The following NAALADL2 variants were observed in gnomAD, a reference collection of about 807,000 sequenced individuals.
NAALADL2 encodes N-acetylated alpha-linked acidic dipeptidase like 2.
Under a neutral mutation model 87.2 loss-of-function variants are expected in NAALADL2, and 76 were observed. That is an observed-to-expected ratio of 0.87 (90% CI 0.72 to 1.05). The LOEUF is 1.05. Among genes scored for constraint, NAALADL2 ranks in the 50% least tolerant of loss-of-function variants. The pLI, the probability that NAALADL2 is intolerant of heterozygous loss-of-function variation, is 0.00. For missense variants in NAALADL2, 1,089 were observed against 945.8 expected (o/e 1.15, Z -1.99); for synonymous variants, 354 against 331.0 (o/e 1.07, Z -0.75).
At chr3:175,160,632 G>A (rs4894697) in intron 2 of NAALADL2, among the ~76,000 whole-genome samples, 39,244 of 151,684 alleles carry the variant, frequency 0.26, 5,880 homozygotes, top group Non-Finnish European at 0.34. Context: ...GATTACAGGC[G>A]TGAGCCACTG....
chr3:175,665,717 G>A (rs1235473664), intron 11 of NAALADL2, among the ~76,000 whole-genome samples: 1 of 152,108 alleles, frequency 6.6e-6, no homozygotes, highest in Non-Finnish European at 1.5e-5. Flanking sequence ...CAGATCACGA[G>A]GTCAAGAGAT....
chr3:175,099,873 A>G (rs1387975932), intron 2 of NAALADL2, among the ~76,000 whole-genome samples: 1 of 152,120 alleles, frequency 6.6e-6, no homozygotes, highest in Admixed American at 6.5e-5. Context: ...ACATTGAGTA[A>G]TTATTTTCTA....
intron 1 of NAALADL2, among the ~76,000 whole-genome samples, chr3:174,921,804 CAAAAAAA>C (rs546555666): frequency 1.7e-3 from 74 of 42,432 alleles, no homozygotes; most frequent in Admixed American, 1.1e-3. Flanking sequence ...GACTCCGTCT[CAAAAAAA>C]AAAAAAAAAA....
chr3:175,080,774 G>C (rs1323436233), intron 1 of NAALADL2, among the ~76,000 whole-genome samples: 1 of 152,144 alleles, frequency 6.6e-6, no homozygotes, highest in African/African-American at 2.4e-5. Flanking sequence ...CCAGTGCCTA[G>C]TAAATATCTT....
chr3:175,727,478 T>C (rs1430639956), intron 11 of NAALADL2, among the ~76,000 whole-genome samples: 1 of 152,182 alleles, frequency 6.6e-6, no homozygotes, highest in Non-Finnish European at 1.5e-5. Context: ...GAACTATATA[T>C]TCCAAATGTT....
intron 2 of NAALADL2, among the ~76,000 whole-genome samples, chr3:174,662,298 G>A (rs955242908): frequency 6.6e-6 from 1 of 152,020 alleles, no homozygotes; most frequent in African/African-American, 2.4e-5. Context: ...GAGAGTATAA[G>A]CAGTATGAAA....
chr3:174,868,027 G>T (rs956426081), intron 1 of NAALADL2, among the ~76,000 whole-genome samples: 1 of 151,640 alleles, frequency 6.6e-6, no homozygotes, highest in Non-Finnish European at 1.5e-5. Flanking sequence ...AAGAGTCAAA[G>T]GGTTGGTTCT....
intron 3 of NAALADL2, among the ~76,000 whole-genome samples, chr3:174,777,416 C>T (rs1689547719): frequency 6.6e-6 from 1 of 152,046 alleles, no homozygotes; most frequent in Non-Finnish European, 1.5e-5. Flanking sequence ...AAATGTATTT[C>T]TAGTTGGAAC....
At chr3:175,259,216 A>G (rs1750596239) in intron 4 of NAALADL2, among the ~76,000 whole-genome samples, 1 of 152,200 alleles carries the variant, frequency 6.6e-6, no homozygotes, top group Non-Finnish European at 1.5e-5. Flanking sequence ...GCCTTCTCCA[A>G]CAACAGATAG....
intron 2 of NAALADL2, among the ~76,000 whole-genome samples, chr3:174,589,530 T>C (rs1717127140): frequency 6.6e-6 from 1 of 152,242 alleles, no homozygotes; most frequent in African/African-American, 2.4e-5. Flanking sequence ...GTTTGTTTAC[T>C]GGCAAATTAC....
At chr3:174,831,974 T>C (rs1448520927) in intron 3 of NAALADL2, among the ~76,000 whole-genome samples, 1 of 152,018 alleles carries the variant, frequency 6.6e-6, no homozygotes, top group Non-Finnish European at 1.5e-5. Flanking sequence ...TCATTTTTTA[T>C]TGCGTCTATT....
intron 1 of NAALADL2, among the ~76,000 whole-genome samples, chr3:174,988,809 T>G (rs557267162): frequency 1.3e-5 from 2 of 152,326 alleles, no homozygotes; most frequent in Admixed American, 1.3e-4. Context: ...TCATCTTAAC[T>G]AATTAGATCT....
At chr3:174,880,691 C>T (rs2109696641) in intron 1 of NAALADL2, among the ~76,000 whole-genome samples, 1 of 152,192 alleles carries the variant, frequency 6.6e-6, no homozygotes, top group South Asian at 2.1e-4. Flanking sequence ...TACTCCTTCA[C>T]CTTCTTTAAG....
intron 9 of NAALADL2, among the ~76,000 whole-genome samples, chr3:175,476,257 C>T (rs7349520): frequency 0.68 from 103,500 of 151,934 alleles, 37,317 homozygotes; most frequent in East Asian, 0.9. Flanking sequence ...AGCCTACTGA[C>T]GTGCTAGATA....
chr3:175,362,209 C>T (rs1203456715), intron 5 of NAALADL2, among the ~76,000 whole-genome samples: 7 of 147,964 alleles, frequency 4.7e-5, no homozygotes, highest in Non-Finnish European at 9.0e-5. Context: ...GGGCTCTGTT[C>T]TGTTCCATTG....
intron 1 of NAALADL2, among the ~76,000 whole-genome samples, chr3:174,997,075 A>C (rs1370723606): frequency 7.5e-6 from 1 of 134,186 alleles, no homozygotes; most frequent in Non-Finnish European, 1.6e-5. Flanking sequence ...TTTTTAATCC[A>C]CTCGTTGGTC....
intron 2 of NAALADL2, among the ~76,000 whole-genome samples, chr3:174,567,366 T>C (rs1033326904): frequency 2.0e-4 from 31 of 151,598 alleles, no homozygotes; most frequent in African/African-American, 5.8e-4. Context: ...TAAAAGTAGA[T>C]ATAGACTTTT....
intron 10 of NAALADL2, among the ~76,000 whole-genome samples, chr3:175,583,126 G>A (rs1168392435): frequency 2.0e-5 from 3 of 152,042 alleles, no homozygotes; most frequent in Admixed American, 6.6e-5. Context: ...AACTCTTTCG[G>A]TACAGCAGTC....
At chr3:174,745,606 G>A (rs1456701908) in intron 3 of NAALADL2, among the ~76,000 whole-genome samples, 2 of 152,076 alleles carry the variant, frequency 1.3e-5, no homozygotes, top group South Asian at 4.1e-4. Context: ...GCAGCATCCT[G>A]ACATCAAAAC....
Sources: allele counts gnomAD v4.1 joint callset (sites outside exome capture counted in the v4.1 genomes callset), GRCh38; gene constraint gnomAD v4.1.1; transcripts MANE v1.5; gene names NCBI Gene and HGNC (gene_info 2026-07-23, HGNC 2026-07-21).